Variants in CCDC3 observed in about 807,000 individuals in gnomAD.
CCDC3 encodes the protein coiled-coil domain-containing protein 3.
Under a neutral mutation model 21.4 loss-of-function variants are expected in CCDC3, and 24 were observed. That is an observed-to-expected ratio of 1.12 (90% CI 0.81 to 1.58). CCDC3 has a LOEUF of 1.58. Ranked by LOEUF, CCDC3 falls within the 40% of genes most tolerant of loss-of-function variation. The pLI is 0.00. For synonymous variants in CCDC3, 186 were observed against 166.0 expected (o/e 1.12, Z -0.93); for missense variants, 425 against 360.9 (o/e 1.18, Z -1.44).
intron 5 of CCDC3, among the ~76,000 whole-genome samples, chr10:13,042,371 A>G (rs1836467998): frequency 6.6e-6 from 1 of 152,226 alleles, no homozygotes; most frequent in Non-Finnish European, 1.5e-5. Flanking sequence ...TTGAGGCAAG[A>G]ATGAGTCAGG....
chr10:12,969,515 G>T (rs1039256876), intron 2 of CCDC3, among the ~76,000 whole-genome samples: 1 of 151,596 alleles, frequency 6.6e-6, no homozygotes, highest in African/African-American at 2.4e-5. Flanking sequence ...AGATTCAGAA[G>T]CTTACGTACC....
chr10:13,002,230 G>A (rs1315030077), upstream of CCDC3, among the ~76,000 whole-genome samples: 1 of 152,066 alleles, frequency 6.6e-6, no homozygotes, highest in African/African-American at 2.4e-5. Flanking sequence ...TGATTTTCTT[G>A]GTTTCCATAA....
chr10:13,020,872 A>T (rs934271715), intron 5 of CCDC3, among the ~76,000 whole-genome samples: 4 of 152,386 alleles, frequency 2.6e-5, no homozygotes, highest in African/African-American at 7.2e-5. Flanking sequence ...TAAAGAAAAT[A>T]AAACAAAAAA....
chr10:13,074,421 G>C (rs1836934493), intron 3 of CCDC3, among the ~76,000 whole-genome samples: 1 of 133,490 alleles, frequency 7.5e-6, no homozygotes, highest in Admixed American at 9.1e-5. Context: ...CCCGACTTCA[G>C]GTGATCCGCC....
At chr10:13,052,404 T>C (rs148892127) in intron 4 of CCDC3, among the ~76,000 whole-genome samples, 74 of 152,274 alleles carry the variant, frequency 4.9e-4, no homozygotes, top group African/African-American at 1.6e-3. Flanking sequence ...GCTTTCTTGA[T>C]TGCTTACCTG....
intron 2 of CCDC3, among the ~76,000 whole-genome samples, chr10:12,988,284 T>C (rs1589032005): frequency 6.6e-6 from 1 of 152,170 alleles, no homozygotes; most frequent in Non-Finnish European, 1.5e-5. Context: ...GTATGGCTGG[T>C]TCTGTGTCCT....
At chr10:13,081,112 C>T (rs1473719902) in intron 3 of CCDC3, among the ~76,000 whole-genome samples, 1 of 141,090 alleles carries the variant, frequency 7.1e-6, no homozygotes, top group Non-Finnish European at 1.5e-5. Context: ...ACTAAGTAAA[C>T]ATTTTTAAAA....
intron 2 of CCDC3, among the ~76,000 whole-genome samples, chr10:12,920,330 G>A (rs1757061): frequency 0.97 from 148,318 of 152,222 alleles, 72,379 homozygotes; most frequent in East Asian, 1. Flanking sequence ...ATCTCCCACG[G>A]GGTCCTTCCC....
chr10:12,997,025 G>A (rs939037189), intron 2 of CCDC3, among the ~76,000 whole-genome samples: 38 of 152,086 alleles, frequency 2.5e-4, no homozygotes, highest in African/African-American at 7.2e-4. Context: ...CCAGTGGCAC[G>A]CAATTTACCC....
intron 2 of CCDC3, among the ~76,000 whole-genome samples, chr10:12,984,080 A>G (rs186640867): frequency 3.8e-4 from 58 of 152,328 alleles, no homozygotes; most frequent in South Asian, 6.2e-4. Context: ...ACTCTCTCAA[A>G]AAACAAACAA....
intron 2 of CCDC3, among the ~76,000 whole-genome samples, chr10:12,962,060 T>C (rs1564300172): frequency 6.6e-6 from 1 of 152,206 alleles, no homozygotes; most frequent in Non-Finnish European, 1.5e-5. Flanking sequence ...AAAGTAAGTT[T>C]GATAAAAGGC....
chr10:13,059,615 T>A (rs554679369), intron 4 of CCDC3, among the ~76,000 whole-genome samples: 1 of 152,234 alleles, frequency 6.6e-6, no homozygotes, highest in East Asian at 1.9e-4. Context: ...TGCTCCTGAA[T>A]AAATCACAGA....
intron 2 of CCDC3, among the ~76,000 whole-genome samples, chr10:12,966,179 T>C (rs1835259591): frequency 6.6e-6 from 1 of 151,986 alleles, no homozygotes; most frequent in African/African-American, 2.4e-5. Context: ...CCTTACTCAG[T>C]TACCAGCCTT....
chr10:12,983,634 T>C (rs1377216425), intron 2 of CCDC3, among the ~76,000 whole-genome samples: 6 of 144,964 alleles, frequency 4.1e-5, no homozygotes, highest in Non-Finnish European at 7.5e-5. Flanking sequence ...ACAAAGGGAA[T>C]GTTTACAGTC....
intron 2 of CCDC3, among the ~76,000 whole-genome samples, chr10:12,944,815 A>C (rs1343913016): frequency 2.0e-5 from 3 of 152,250 alleles, no homozygotes; most frequent in Non-Finnish European, 4.4e-5. Context: ...CGGATACTTA[A>C]TGTCTCATTG....
intron 3 of CCDC3, among the ~76,000 whole-genome samples, chr10:13,089,813 C>T (rs1837158946): frequency 6.6e-6 from 1 of 150,780 alleles, no homozygotes; most frequent in East Asian, 1.9e-4. Flanking sequence ...CAATTTGTAG[C>T]CTTTTATCCC....
intron 3 of CCDC3, among the ~76,000 whole-genome samples, chr10:13,097,358 T>A (rs558107666): frequency 6.6e-6 from 1 of 152,312 alleles, no homozygotes; most frequent in Non-Finnish European, 1.5e-5. Flanking sequence ...CTTCTAGGTG[T>A]TGAAGACGTA....
chr10:13,072,390 C>A (rs536701270), intron 4 of CCDC3, among the ~76,000 whole-genome samples: 1 of 152,166 alleles, frequency 6.6e-6, no homozygotes. Flanking sequence ...GTTGGATGTA[C>A]TTCTTTAGAG....
At chr10:12,942,462 T>G (rs1834847539) in intron 2 of CCDC3, among the ~76,000 whole-genome samples, 1 of 152,114 alleles carries the variant, frequency 6.6e-6, no homozygotes, top group South Asian at 2.1e-4. Flanking sequence ...GCTACAGACA[T>G]AGAAAAGCAA....
Sources: allele counts gnomAD v4.1 joint callset (sites outside exome capture counted in the v4.1 genomes callset), GRCh38; gene constraint gnomAD v4.1.1; transcripts MANE v1.5; gene names NCBI Gene and HGNC (gene_info 2026-07-23, HGNC 2026-07-21).